The following SPATS2 variants were observed in gnomAD, a reference collection of about 807,000 sequenced individuals.
The protein encoded by SPATS2 is spermatogenesis-associated serine-rich protein 2.
A neutral mutation model predicts 63.7 loss-of-function variants in SPATS2; 38 were observed. The ratio of observed to expected loss-of-function variants is 0.60; its 90% CI spans 0.46 to 0.78. The LOEUF (loss-of-function observed/expected upper bound fraction) is 0.78. Among genes scored for constraint, SPATS2 ranks in the 30% least tolerant of loss-of-function variants. The pLI is 0.00. For synonymous variants in SPATS2, 207 were observed against 232.9 expected, an observed-to-expected ratio of 0.89 and a Z score of 1.01; for missense variants, 588 against 666.2, an observed-to-expected ratio of 0.88 and a Z score of 1.29.
At chr12:49,459,370 T>TG (rs1945777287) in intron 2 of SPATS2, among the ~76,000 whole-genome samples, 1 of 151,894 alleles carries the variant, frequency 6.6e-6, no homozygotes, top group Non-Finnish European at 1.5e-5. Flanking sequence ...TTTTTTGAGA[T>TG]GGGGTTTCAC....
chr12:49,467,046 T>TG, intron 3 of SPATS2, among the ~76,000 whole-genome samples: 1 of 87,700 alleles, frequency 1.1e-5, no homozygotes, highest in Admixed American at 9.7e-5. Context: ...TGTTCTTTGT[T>TG]TTTTTTTTTT....
intron 3 of SPATS2, 34 bp from the exon 4 acceptor site, chr12:49,484,556 T>A (rs760121544): frequency 4.4e-6 from 7 of 1,597,740 alleles, no homozygotes; most frequent in Non-Finnish European, 6.0e-6. Flanking sequence ...TATATTTGGA[T>A]CATGTTGAAT....
At chr12:49,433,068 C>T (rs930036769) in intron 2 of SPATS2, among the ~76,000 whole-genome samples, 6 of 152,174 alleles carry the variant, frequency 3.9e-5, no homozygotes, top group African/African-American at 1.4e-4. Flanking sequence ...CACATCTTTA[C>T]TAATACTTAT....
intron 2 of SPATS2, among the ~76,000 whole-genome samples, chr12:49,437,815 C>G (rs1050619164): frequency 1.3e-5 from 2 of 151,602 alleles, no homozygotes; most frequent in East Asian, 3.9e-4. Flanking sequence ...AGGGGGAGAC[C>G]GTGGAAAAAG....
chr12:49,460,742 A>G (rs774050166), intron 2 of SPATS2, 28 bp from the exon 3 acceptor site: 49 of 491,112 alleles, frequency 1.0e-4, no homozygotes, highest in Non-Finnish European at 1.5e-4. Flanking sequence ...CTGTAATAGT[A>G]TATGTGTGTT....
intron 8 of SPATS2, among the ~76,000 whole-genome samples, chr12:49,499,031 C>G (rs1231111710): frequency 1.3e-5 from 2 of 152,134 alleles, no homozygotes; most frequent in African/African-American, 2.4e-5. Flanking sequence ...GGTGATCCAC[C>G]CATCTTGGCC....
intron 3 of SPATS2, among the ~76,000 whole-genome samples, chr12:49,470,955 T>C (rs1392225105): frequency 2.6e-5 from 4 of 152,200 alleles, no homozygotes; most frequent in African/African-American, 4.8e-5. Flanking sequence ...ACTTTGAAGG[T>C]AAATAAGAAA....
Position 49,496,836 on chromosome 12 carries a change from C to T in SPATS2, c.530C>T (p.Ser177Phe). The stretch of plus-strand genomic sequence containing the variant: ...TACAGTCCTCTTTCTTGGACAGGAT[C>T]CATGCTGCAGAATGGTGTCTCTGAT... ...AMLDTLDRTG[S>F]MLQNGVSDFE... is the part of the protein sequence containing the mutation. Residue 177 changes from serine to phenylalanine, a missense_variant, in exon 8 of 14, where the codon TCC becomes TTC. Ser to Phe is a radical substitution (Grantham distance 155). Coordinates refer to ENST00000552918, the MANE Select transcript of SPATS2 (RefSeq NM_023071.4). The T allele has an allele frequency of 5.0e-6, 8 of 1,613,996 alleles. No individual in the cohort carries two copies. The highest frequency in any genetic ancestry group is 6.8e-6 in the Non-Finnish European group (8 of 1,179,958).
intron 3 of SPATS2, among the ~76,000 whole-genome samples, chr12:49,477,816 TTACA>T (rs1167793646): frequency 3.9e-5 from 6 of 152,058 alleles, no homozygotes; most frequent in Non-Finnish European, 7.4e-5. Flanking sequence ...TCCCTATTAT[TTACA>T]CATTCTCTTT....
At chr12:49,437,777 C>T (rs1409391062) in intron 2 of SPATS2, among the ~76,000 whole-genome samples, 2 of 152,072 alleles carry the variant, frequency 1.3e-5, no homozygotes, top group Non-Finnish European at 2.9e-5. Context: ...GAGATGGCAG[C>T]AGTACAGTCC....
At chr12:49,486,328 C>T (rs757166288) in intron 4 of SPATS2, 30 of 408,784 alleles carry the variant, frequency 7.3e-5, no homozygotes, top group Non-Finnish European at 1.4e-4. Flanking sequence ...GCCTCAACCT[C>T]CCGTGTAGCT....
intron 2 of SPATS2, among the ~76,000 whole-genome samples, chr12:49,447,593 A>G (rs901953405): frequency 1.1e-4 from 17 of 152,208 alleles, no homozygotes; most frequent in Non-Finnish European, 2.1e-4. Flanking sequence ...TTCTTTAAAT[A>G]TTTGATAAGA....
At chr12:49,369,105 G>A (rs377759788) in intron 1 of SPATS2, among the ~76,000 whole-genome samples, 4 of 139,824 alleles carry the variant, frequency 2.9e-5, no homozygotes, top group Non-Finnish European at 3.0e-5. Context: ...GCGTGATCTC[G>A]GCTCACTGCA....
Position 49,524,740 on chromosome 12 carries a change from G to A in SPATS2, c.1170G>A (p.Val390=), listed in dbSNP as rs1947003403. 3 of 1,614,004 alleles carry A rather than the reference G, an allele frequency of 1.9e-6. No individual in the cohort carries two copies. Residue 390 remains valine, a synonymous_variant, in exon 13 of 14, where the codon GTG becomes GTA. Transcript: ENST00000552918. ...CCCGATGTAGCTCAGTTACATCTGT[G>A]TCCTTGAGTAGCCCAAGTGATGCCT... ...TRSRCSSVTS[V]SLSSPSDASA...
chr12:49,389,906 A>C, intron 2 of SPATS2: 1 of 812,908 alleles, frequency 1.2e-6, no homozygotes, highest in Non-Finnish European at 2.2e-6. Flanking sequence ...CAAAAGCAGC[A>C]CTCCAAGGAT....
rs1244234140 is a variant in SPATS2 at position 49,526,214 on chromosome 12, C to T, written c.1597C>T (p.Arg533Cys). 3.1e-6 allele frequency: 5 copies of T among 1,614,070 alleles called. No homozygotes were observed. The highest frequency in any genetic ancestry group is 1.3e-5 in the African/African-American group (1 of 75,042). Residue 533 changes from arginine (R) to cysteine (C), a missense_variant, in exon 14 of 14, where the codon CGC (arginine) becomes TGC (cysteine). Physicochemically the swap from Arg to Cys is radical, Grantham distance 180 (BLOSUM62 -3). Transcript: ENST00000552918. Reference protein sequence around the residue: ...TPSFKKGLPQRKPRTSQTEAV... With the variant: ...TPSFKKGLPQCKPRTSQTEAV... ...TTCATTCAAAAAGGGGCTCCCCCAG[C>T]GCAAACCCAGGACCTCTCAGACTGA...
chr12:49,518,581 T>C (rs921693853), intron 10 of SPATS2, among the ~76,000 whole-genome samples: 7 of 152,212 alleles, frequency 4.6e-5, no homozygotes, highest in African/African-American at 7.2e-5. Flanking sequence ...ACCATGTGTA[T>C]GATATACTTC....
chr12:49,388,370 T>A (rs1247311058), intron 2 of SPATS2, among the ~76,000 whole-genome samples: 3 of 152,078 alleles, frequency 2.0e-5, no homozygotes, highest in Non-Finnish European at 2.9e-5. Flanking sequence ...ACTTTTTTTT[T>A]TAAAAAATAA....
At chr12:49,505,238 C>G (rs1946637473) in intron 9 of SPATS2, among the ~76,000 whole-genome samples, 1 of 152,074 alleles carries the variant, frequency 6.6e-6, no homozygotes, top group African/African-American at 2.4e-5. Flanking sequence ...AAGGAATGTG[C>G]TAATGTAATA....
Sources: gnomAD v4.1 joint callset for allele counts (sites outside exome capture counted in the v4.1 genomes callset) on GRCh38, gnomAD v4.1.1 for gene constraint, MANE v1.5 for transcripts, NCBI Gene and HGNC (gene_info 2026-07-23, HGNC 2026-07-21) for gene names.